The following IKZF2 variants were observed in gnomAD, a reference collection of about 807,000 sequenced individuals.
IKZF2 encodes IKAROS family zinc finger 2.
A neutral mutation model predicts 49.2 loss-of-function variants in IKZF2; 15 were observed. That is an observed-to-expected ratio of 0.30 (90% CI 0.20 to 0.47). The LOEUF (loss-of-function observed/expected upper bound fraction) is 0.47. Among genes scored for constraint, IKZF2 ranks in the 20% least tolerant of loss-of-function variants. The pLI is 1.00. For synonymous variants in IKZF2, 227 were observed against 221.4 expected (o/e 1.03, Z -0.23); for missense variants, 567 against 664.6 (o/e 0.85, Z 1.61).
chr2:213,009,878 T>C (rs1302584193), intron 8 of IKZF2, among the ~76,000 whole-genome samples: 2 of 152,000 alleles, frequency 1.3e-5, no homozygotes, highest in African/African-American at 4.8e-5. Context: ...GTAGAAAGGA[T>C]CAGAGGCAAG....
At chr2:213,021,252 A>T (rs1276155431) in intron 7 of IKZF2, among the ~76,000 whole-genome samples, 3 of 152,048 alleles carry the variant, frequency 2.0e-5, no homozygotes. Context: ...TTAAAAAAAT[A>T]AATAAAAGAT....
intron 4 of IKZF2, chr2:213,097,801 A>G (rs1706192483): frequency 6.0e-6 from 1 of 167,798 alleles, no homozygotes; most frequent in Non-Finnish European, 1.3e-5. Flanking sequence ...TTGTTGACAA[A>G]TCAAATTTTA....
chr2:213,031,547 A>T (rs538023739), intron 6 of IKZF2, among the ~76,000 whole-genome samples: 168 of 152,358 alleles, frequency 1.1e-3, no homozygotes, highest in Non-Finnish European at 1.8e-4. Flanking sequence ...TTATTTTTAT[A>T]AGAGTCTAAG....
intron 4 of IKZF2, among the ~76,000 whole-genome samples, chr2:213,084,294 T>C (rs35922168): frequency 0.35 from 53,271 of 152,032 alleles, 11,743 homozygotes; most frequent in East Asian, 0.73. Context: ...TCCAGGGAAG[T>C]TTTAAGGAGT....
chr2:213,030,539 G>C (rs1382057596), intron 6 of IKZF2, among the ~76,000 whole-genome samples: 1 of 152,062 alleles, frequency 6.6e-6, no homozygotes, highest in African/African-American at 2.4e-5. Flanking sequence ...ACAAGTCTGT[G>C]AGACAGTATA....
chr2:213,131,199 C>T (rs911991482), intron 4 of IKZF2, among the ~76,000 whole-genome samples: 2 of 152,068 alleles, frequency 1.3e-5, no homozygotes, highest in African/African-American at 4.8e-5. Flanking sequence ...ATCACAACTC[C>T]TCTAAGAAAA....
At chr2:213,081,572 G>T (rs1559248780) in intron 4 of IKZF2, among the ~76,000 whole-genome samples, 1 of 152,148 alleles carries the variant, frequency 6.6e-6, no homozygotes, top group Non-Finnish European at 1.5e-5. Context: ...GGCTGGGGAA[G>T]GTTTCTCAAA....
Position 213,134,880 on chromosome 2 carries a change from G to T in IKZF2, c.139+12828C>A, listed in dbSNP as rs1434704805. Among the ~76,000 whole-genome samples, 3 of 152,224 alleles carry T rather than the reference G, an allele frequency of 2.0e-5. No homozygotes were observed. The East Asian group carries it at 5.8e-4, about 29-fold the overall frequency. ...TTCATTTGCTCTATTGCTCTCTCCA[G>T]TGGATCTACTAACTCAAGTGGAGTC... On this transcript the variant is annotated intron_variant, in intron 4 of 8. Transcript: ENST00000434687.
At chr2:213,067,659 T>C (rs1702285954) in intron 4 of IKZF2, among the ~76,000 whole-genome samples, 1 of 152,122 alleles carries the variant, frequency 6.6e-6, no homozygotes, top group Non-Finnish European at 1.5e-5. Context: ...TCAAAATTAC[T>C]CACTGAGCAC....
At chr2:213,114,035 C>G (rs2059795597) in intron 4 of IKZF2, among the ~76,000 whole-genome samples, 1 of 152,134 alleles carries the variant, frequency 6.6e-6, no homozygotes, top group South Asian at 2.1e-4. Flanking sequence ...GGTTCTCTGC[C>G]TTAAATGTCT....
At chr2:213,110,337 C>A (rs2059661012) in intron 4 of IKZF2, among the ~76,000 whole-genome samples, 1 of 151,860 alleles carries the variant, frequency 6.6e-6, no homozygotes. Context: ...CACTCCCAAA[C>A]AATTAATTAT....
At chr2:213,048,077 A>G (rs1313240209) in intron 6 of IKZF2, among the ~76,000 whole-genome samples, 1 of 152,112 alleles carries the variant, frequency 6.6e-6, no homozygotes, top group African/African-American at 2.4e-5. Flanking sequence ...TTAGATTCCA[A>G]TTGGAAGCAT....
At chr2:213,140,689 C>G (rs1042487021) in intron 4 of IKZF2, among the ~76,000 whole-genome samples, 12 of 151,788 alleles carry the variant, frequency 7.9e-5, no homozygotes, top group African/African-American at 2.9e-4. Flanking sequence ...GGGTCAATCA[C>G]ATCAATTAAT....
chr2:213,039,687 G>A (rs1188778771), intron 6 of IKZF2, among the ~76,000 whole-genome samples: 1 of 151,984 alleles, frequency 6.6e-6, no homozygotes, highest in East Asian at 1.9e-4. Context: ...ATGTGATACA[G>A]ATAACTAATT....
intron 4 of IKZF2, among the ~76,000 whole-genome samples, chr2:213,076,213 T>A (rs1034419430): frequency 4.6e-5 from 7 of 152,112 alleles, no homozygotes; most frequent in Non-Finnish European, 8.8e-5. Flanking sequence ...GATAAAGTCA[T>A]ATGCACCATC....
intron 5 of IKZF2, among the ~76,000 whole-genome samples, chr2:213,056,235 C>G (rs958476696): frequency 3.5e-5 from 5 of 141,890 alleles, no homozygotes; most frequent in African/African-American, 1.3e-4. Flanking sequence ...CATATTCCAA[C>G]CTACACACCA....
At position 213,007,368 on chromosome 2, in the gene IKZF2, A is replaced by T. The variant is rs746134768; in HGVS notation, c.1573T>A (p.Phe525Ile). 6.2e-7 allele frequency: 1 copy of T among 1,612,870 alleles called. No homozygotes were observed. Among genetic ancestry groups the T allele is most frequent in the Non-Finnish European group, 8.5e-7 (1 of 1,179,368 alleles). The change falls in exon 9 of 9, where the codon TTC becomes ATC. Residue 525 changes from phenylalanine (F) to isoleucine (I), a missense_variant. By Grantham distance (21) the Phe-to-Ile change is conservative. This residue lies in a region of IKZF2 where 25 missense variants were observed against 27.0 expected (regional missense o/e 0.93). Transcript: ENST00000434687. ...SSHIVRGEHT[F>I]H ...CTTTGGAATGAAAAGGCCTAGTGGA[A>T]TGTGTGCTCCCCTCGAACAATGTGT... is the stretch of plus-strand genomic sequence containing the variant.
intron 4 of IKZF2, among the ~76,000 whole-genome samples, chr2:213,112,691 A>G (rs1318861608): frequency 6.6e-6 from 1 of 152,080 alleles, no homozygotes; most frequent in Non-Finnish European, 1.5e-5. Context: ...GTTTCTATAC[A>G]TTACACCGAT....
At chr2:213,099,775 GA>G (rs564758001) in intron 4 of IKZF2, among the ~76,000 whole-genome samples, 78 of 152,144 alleles carry the variant, frequency 5.1e-4, no homozygotes, top group Admixed American at 9.8e-4. Context: ...TAACCTCTCT[GA>G]CCCTTAGCTC....
Sources: allele counts gnomAD v4.1 joint callset (sites outside exome capture counted in the v4.1 genomes callset), GRCh38; gene constraint gnomAD v4.1.1; regional missense constraint gnomAD v4.1.1; transcripts MANE v1.5; gene names NCBI Gene and HGNC (gene_info 2026-07-23, HGNC 2026-07-21).